The following UBE3C variants were observed in gnomAD, a reference collection of about 807,000 sequenced individuals.
UBE3C encodes the protein ubiquitin-protein ligase E3C.
A neutral mutation model predicts 129.4 loss-of-function variants in UBE3C; 42 were observed. The observed-to-expected ratio is 0.32, with a 90% confidence interval of 0.25 to 0.42. The LOEUF is 0.42. UBE3C is among the 10% of genes least tolerant of loss of function. The pLI is 1.00. For synonymous variants in UBE3C, 510 were observed against 492.4 expected (o/e 1.04, Z -0.47); for missense variants, 1,049 against 1,319.1 (o/e 0.80, Z 3.17).
At chr7:157,140,312 T>A (rs531805225) in intron 1 of UBE3C, among the ~76,000 whole-genome samples, 1 of 152,210 alleles carries the variant, frequency 6.6e-6, no homozygotes, top group South Asian at 2.1e-4. Context: ...GGAACTGCTG[T>A]TATTAAGATT....
At chr7:157,205,557 C>A (rs956444141) in intron 11 of UBE3C, among the ~76,000 whole-genome samples, 3 of 152,202 alleles carry the variant, frequency 2.0e-5, no homozygotes, top group African/African-American at 4.8e-5. Flanking sequence ...CCAGTTAAGG[C>A]AGCCCTGTGC....
chr7:157,266,728 C>G (rs545483990), intron 22 of UBE3C, among the ~76,000 whole-genome samples: 9 of 152,258 alleles, frequency 5.9e-5, no homozygotes, highest in African/African-American at 2.2e-4. Context: ...TAGAATAAAT[C>G]TTGATCCTTT....
rs1239413773 is a variant in UBE3C, at chr7:157,207,533, A to G, written c.1554A>G (p.Glu518=). 6.8e-6 allele frequency: 11 copies of G among 1,612,506 alleles called. No homozygotes were observed. The highest frequency in any genetic ancestry group is 9.3e-6 in the Non-Finnish European group (11 of 1,179,718). ...SHSLISIHDN[E]FFGDPIEVVG... ...CACTAATTTCCATACATGATAACGA[A>G]TTCTTCGGTGATCCCATAGAAGGTA... The change falls in exon 12 of 23, where the codon GAA becomes GAG. Residue 518 remains glutamate (E), a synonymous_variant. Transcript: ENST00000348165.
chr7:157,190,505 T>C (rs1194068366), intron 10 of UBE3C, among the ~76,000 whole-genome samples: 1 of 152,148 alleles, frequency 6.6e-6, no homozygotes, highest in African/African-American at 2.4e-5. Flanking sequence ...AGTAGCCACA[T>C]GTGGCCAGGG....
intron 15 of UBE3C, chr7:157,221,975 T>C (rs1795750538): frequency 6.6e-6 from 1 of 151,848 alleles, no homozygotes; most frequent in Admixed American, 6.6e-5. Context: ...GCTTCAGCGA[T>C]CTTCCTGCCG....
chr7:157,171,559 GAAT>G (rs987286018), intron 4 of UBE3C, among the ~76,000 whole-genome samples: 12 of 149,246 alleles, frequency 8.0e-5, no homozygotes, highest in African/African-American at 3.0e-4. Flanking sequence ...ATGCATAGAA[GAAT>G]AATTTTTTTA....
intron 1 of UBE3C, among the ~76,000 whole-genome samples, chr7:157,151,408 A>G (rs1339465964): frequency 3.3e-5 from 5 of 152,178 alleles, no homozygotes; most frequent in Non-Finnish European, 5.9e-5. Flanking sequence ...CTCGGAGAAG[A>G]TTGTATAGCT....
At chr7:157,165,023 A>C (rs1046500862) in intron 2 of UBE3C, among the ~76,000 whole-genome samples, 22 of 152,120 alleles carry the variant, frequency 1.4e-4, no homozygotes, top group African/African-American at 5.1e-4. Flanking sequence ...GTTTAGCAAC[A>C]CCCATGGCCT....
chr7:157,192,104 GAC>G (rs1808984828), intron 10 of UBE3C, among the ~76,000 whole-genome samples: 1 of 152,110 alleles, frequency 6.6e-6, no homozygotes. Flanking sequence ...GCTGTTGTTA[GAC>G]ACATCAAATA....
In UBE3C at chr7:157,207,414, C is replaced by T; in HGVS notation, c.1435C>T (p.Leu479Phe). The change falls in exon 12 of 23, where the codon CTT (leucine) becomes TTT (phenylalanine). Residue 479 changes from leucine (L) to phenylalanine (F), a missense_variant. Physicochemically the swap from Leu to Phe is conservative, Grantham distance 22 (BLOSUM62 0). Around this residue, in one of 4 missense-constraint regions of UBE3C, gnomAD observed 314 missense variants for 416.9 expected, o/e 0.75. Coordinates refer to ENST00000348165, the MANE Select transcript of UBE3C (RefSeq NM_014671.3). ...TAATTCAAGGTCTATGGTACCGTTG[C>T]TTCAGGTGATATCCAGGGGTTCTCC... ...RMITGSMVPLLQVISRGSPMS... is the reference protein window; with the variant it reads ...RMITGSMVPLFQVISRGSPMS... The T allele has an allele frequency of 2.5e-6, 4 of 1,612,908 alleles. No individual in the cohort carries two copies. Among genetic ancestry groups the T allele is most frequent in the Non-Finnish European group, 3.4e-6 (4 of 1,179,844 alleles).
At chr7:157,208,985 G>A (rs1809515954) in intron 13 of UBE3C, among the ~76,000 whole-genome samples, 1 of 152,192 alleles carries the variant, frequency 6.6e-6, no homozygotes, top group Admixed American at 6.5e-5. Context: ...GTCATCAGCT[G>A]TCCCTTTGGG....
chr7:157,164,431 A>T (rs907885648), intron 2 of UBE3C: 2 of 456,594 alleles, frequency 4.4e-6, no homozygotes, highest in African/African-American at 4.0e-5. Context: ...TTGGGATTAC[A>T]GGCGTGAACT....
intron 4 of UBE3C, among the ~76,000 whole-genome samples, chr7:157,171,663 TATA>T (rs1808370660): frequency 7.7e-5 from 2 of 25,808 alleles, no homozygotes; most frequent in African/African-American, 2.2e-4. Flanking sequence ...AAATATTTTA[TATA>T]TATATATATA....
intron 1 of UBE3C, among the ~76,000 whole-genome samples, chr7:157,142,399 T>C (rs556832838): frequency 8.5e-5 from 13 of 152,310 alleles, no homozygotes; most frequent in African/African-American, 2.9e-4. Context: ...TTGATAATCT[T>C]GTTGGGCAGA....
At chr7:157,248,620 A>C in intron 19 of UBE3C, 40 bp downstream of exon 19, 1 of 1,593,734 alleles carries the variant, frequency 6.3e-7, no homozygotes, top group Non-Finnish European at 8.6e-7. Context: ...CTGTATAGCA[A>C]GTAGCAGCAT....
intron 17 of UBE3C, among the ~76,000 whole-genome samples, chr7:157,227,449 A>C (rs2116628682): frequency 6.6e-6 from 1 of 152,240 alleles, no homozygotes; most frequent in Middle Eastern, 3.4e-3. Context: ...CTGTAATCCC[A>C]GCACTTTGGG....
rs1808660655 is a variant in UBE3C at position 157,181,368 on chromosome 7, T to C, written c.617-150T>C. The C allele has an allele frequency of 1.4e-5, 9 of 656,362 alleles. No individual in the cohort carries two copies. The South Asian group carries it at 2.1e-4, about 15-fold the overall frequency. 40.7% of individuals were successfully genotyped at this position (656,362 alleles called of 1,614,324 possible). ...GGTTTGTATACCGTTCGGCTGCCTA[T>C]ATATTTGTTTAGTTTTCCTTGCTAG... On this transcript the variant is annotated intron_variant, in intron 6 of 22. Transcript: ENST00000348165.
intron 22 of UBE3C, among the ~76,000 whole-genome samples, chr7:157,260,751 G>A (rs909103722): frequency 1.3e-5 from 2 of 152,206 alleles, no homozygotes; most frequent in Admixed American, 1.3e-4. Context: ...ACTGGAAGAT[G>A]CAGAGACTTT....
chr7:157,183,861 C>T lies in UBE3C; in HGVS notation c.992-17C>T, dbSNP rs1808735408. 1 of 1,606,038 alleles carries T rather than the reference C, an allele frequency of 6.2e-7. No individual in the cohort carries two copies. The stretch of plus-strand genomic sequence containing the variant: ...AATGTTTAACTAAAATACGTTTTAA[C>T]TGATTGTTTTGCAAAGGGGCCCTCT... On this transcript the variant is annotated splice_polypyrimidine_tract_variant and intron_variant, in intron 8 of 22. Transcript: ENST00000348165.
Sources: allele counts gnomAD v4.1 joint callset (sites outside exome capture counted in the v4.1 genomes callset), GRCh38; gene constraint gnomAD v4.1.1; regional missense constraint gnomAD v4.1.1; transcripts MANE v1.5; gene names NCBI Gene and HGNC (gene_info 2026-07-23, HGNC 2026-07-21).